The following CDKAL1 variants were observed in gnomAD, a reference collection of about 807,000 sequenced individuals.
CDKAL1 encodes the protein CDKAL1 threonylcarbamoyladenosine tRNA methylthiotransferase, also known as threonylcarbamoyladenosine tRNA methylthiotransferase.
In CDKAL1, 32 loss-of-function variants were observed where a neutral mutation model predicts 68.2. The ratio of observed to expected loss-of-function variants is 0.47; its 90% CI spans 0.35 to 0.63. The LOEUF (loss-of-function observed/expected upper bound fraction) is 0.63. Ranked by LOEUF, CDKAL1 falls within the 30% of genes least tolerant of loss-of-function variation. The pLI is 0.00. For missense variants in CDKAL1, 606 were observed against 696.7 expected, an observed-to-expected ratio of 0.87 and a Z score of 1.47; for synonymous variants, 234 against 244.3, an observed-to-expected ratio of 0.96 and a Z score of 0.39.
At chr6:20,875,613 C>T (rs1026325762) in intron 9 of CDKAL1, among the ~76,000 whole-genome samples, 4 of 152,184 alleles carry the variant, frequency 2.6e-5, no homozygotes, top group Admixed American at 2.6e-4. Context: ...TATATCCTTT[C>T]TCTGTTCCCT....
At chr6:21,135,756 A>G in intron 13 of CDKAL1, 2 of 949,110 alleles carry the variant, frequency 2.1e-6, no homozygotes, top group Non-Finnish European at 2.5e-6. Flanking sequence ...TCGCTCAGGA[A>G]GGCAGTGCCA....
intron 4 of CDKAL1, among the ~76,000 whole-genome samples, chr6:20,647,940 T>TGGTG (rs1385479486): frequency 1.3e-5 from 2 of 149,798 alleles, no homozygotes; most frequent in African/African-American, 4.9e-5. Context: ...CTGGGCATGG[T>TGGTG]GGTGGGCGCC....
At chr6:20,686,516 A>T (rs917124549) in intron 5 of CDKAL1, among the ~76,000 whole-genome samples, 3 of 152,158 alleles carry the variant, frequency 2.0e-5, no homozygotes, top group African/African-American at 7.2e-5. Context: ...TTGCAAGAAA[A>T]CAAGCTCAGG....
chr6:20,783,472 C>A (rs1445080795), intron 8 of CDKAL1, among the ~76,000 whole-genome samples: 1 of 152,162 alleles, frequency 6.6e-6, no homozygotes, highest in African/African-American at 2.4e-5. Flanking sequence ...ATTCAGTCTT[C>A]CTGAACTACT....
intron 5 of CDKAL1, among the ~76,000 whole-genome samples, chr6:20,665,000 G>C (rs1769461820): frequency 6.6e-6 from 1 of 152,016 alleles, no homozygotes; most frequent in African/African-American, 2.4e-5. Flanking sequence ...CTTTGTACCT[G>C]GTGTTAGAGG....
In CDKAL1 at chr6:20,671,237, C is replaced by G. The variant is rs2127780654; in HGVS notation, c.371+21860C>G. 1.3e-5 allele frequency among the ~76,000 whole-genome samples: 2 copies of G among 152,206 alleles called. 1 individual carries two copies. Among genetic ancestry groups the G allele is most frequent in the Middle Eastern group, 6.8e-3 (2 of 294 alleles). ...ATTCAGTAGGGAAGAAATGGTATTT[C>G]AGGGTTTTCATTTTTCATTTCTGTA... On this transcript the variant is annotated intron_variant, in intron 5 of 15. Coordinates refer to ENST00000274695, the MANE Select transcript of CDKAL1 (RefSeq NM_017774.3).
chr6:21,114,301 T>C (rs1774289753), intron 13 of CDKAL1, among the ~76,000 whole-genome samples: 1 of 150,490 alleles, frequency 6.6e-6, no homozygotes, highest in African/African-American at 2.4e-5. Flanking sequence ...GTGTTGATAG[T>C]TGGGTAAGGG....
intron 11 of CDKAL1, 100 bp downstream of exon 11, chr6:21,000,472 A>G (rs978690311): frequency 6.0e-5 from 62 of 1,026,910 alleles, no homozygotes; most frequent in Non-Finnish European, 8.1e-5. Context: ...AAGGTACAAG[A>G]GAGAAGGCGA....
chr6:20,607,315 G>A (rs545473186), intron 4 of CDKAL1, among the ~76,000 whole-genome samples: 8 of 152,218 alleles, frequency 5.3e-5, no homozygotes, highest in East Asian at 1.9e-4. Context: ...AAAGCCATAC[G>A]TGTTTCTAAA....
intron 9 of CDKAL1, among the ~76,000 whole-genome samples, chr6:20,922,543 A>C (rs947435008): frequency 6.6e-6 from 1 of 152,200 alleles, no homozygotes; most frequent in African/African-American, 2.4e-5. Context: ...ATAACAGGCA[A>C]GCTGCTGCTG....
intron 4 of CDKAL1, among the ~76,000 whole-genome samples, chr6:20,614,632 C>A (rs1420482093): frequency 6.6e-6 from 1 of 152,130 alleles, no homozygotes; most frequent in Non-Finnish European, 1.5e-5. Flanking sequence ...ATCACAGATT[C>A]AGTAATTAAG....
At chr6:20,561,709 G>GT (rs1403272787) in intron 4 of CDKAL1, among the ~76,000 whole-genome samples, 1 of 151,976 alleles carries the variant, frequency 6.6e-6, no homozygotes, top group Non-Finnish European at 1.5e-5. Context: ...TAATTCAGGT[G>GT]TTTTTTTGTG....
At chr6:20,878,821 G>C (rs1308470863) in intron 9 of CDKAL1, among the ~76,000 whole-genome samples, 3 of 151,768 alleles carry the variant, frequency 2.0e-5, no homozygotes, top group Non-Finnish European at 4.4e-5. Context: ...GCTCACGCCT[G>C]TAATCCCAGC....
intron 6 of CDKAL1, among the ~76,000 whole-genome samples, chr6:20,751,865 G>A (rs941911074): frequency 6.6e-6 from 1 of 152,124 alleles, no homozygotes; most frequent in African/African-American, 2.4e-5. Flanking sequence ...TGAATTACAT[G>A]CTAGAGAATA....
At chr6:21,178,164 G>A (rs543024968) in intron 13 of CDKAL1, among the ~76,000 whole-genome samples, 57 of 152,186 alleles carry the variant, frequency 3.7e-4, no homozygotes, top group Non-Finnish European at 6.2e-4. Context: ...GAGATTTAAG[G>A]GGCAATCATA....
At chr6:21,040,335 G>A (rs1032375101) in intron 11 of CDKAL1, among the ~76,000 whole-genome samples, 1 of 152,082 alleles carries the variant, frequency 6.6e-6, no homozygotes, top group African/African-American at 2.4e-5. Flanking sequence ...TCATTTTTTA[G>A]TCATAAAAAA....
chr6:21,085,212 G>A (rs553087011), intron 12 of CDKAL1, among the ~76,000 whole-genome samples: 128 of 152,228 alleles, frequency 8.4e-4, no homozygotes, highest in African/African-American at 3.0e-3. Flanking sequence ...CATGGCTTTC[G>A]GGAGTCATGT....
chr6:21,018,075 G>T (rs1768438675), intron 11 of CDKAL1, among the ~76,000 whole-genome samples: 1 of 152,140 alleles, frequency 6.6e-6, no homozygotes, highest in Non-Finnish European at 1.5e-5. Flanking sequence ...GGTCAATCAG[G>T]AGGCTCTGCA....
intron 2 of CDKAL1, 134 bp downstream of exon 2, chr6:20,535,528 A>G (rs1292276878): frequency 8.5e-5 from 13 of 152,266 alleles, no homozygotes; most frequent in African/African-American, 2.4e-5. Context: ...TTTACATAGC[A>G]TTAAATCGAA....
Sources: allele counts gnomAD v4.1 joint callset (sites outside exome capture counted in the v4.1 genomes callset), GRCh38; gene constraint gnomAD v4.1.1; transcripts MANE v1.5; gene names NCBI Gene and HGNC (gene_info 2026-07-23, HGNC 2026-07-21).